Variants in TASP1 observed in about 807,000 individuals in gnomAD.
The protein encoded by TASP1 is taspase 1, also known as threonine aspartase 1.
A neutral mutation model predicts 56.6 loss-of-function variants in TASP1; 16 were observed. That is an observed-to-expected ratio of 0.28 (90% CI 0.19 to 0.43). TASP1 has a LOEUF of 0.43. Among genes scored for constraint, TASP1 ranks in the 20% least tolerant of loss-of-function variants. The pLI, the probability that TASP1 is intolerant of heterozygous loss-of-function variation, is 1.00. For synonymous variants in TASP1, 179 were observed against 184.2 expected (o/e 0.97, Z 0.23); for missense variants, 393 against 511.6 (o/e 0.77, Z 2.24).
At chr20:13,214,254 T>G in the TASP1 span, among the ~76,000 whole-genome samples, 1 of 152,204 alleles carries the variant, frequency 6.6e-6, no homozygotes, top group Admixed American at 6.5e-5. Flanking sequence ...TTTCTCTGTG[T>G]GATGAACTAC....
rs146223222 is a variant in TASP1 at position 13,462,211 on chromosome 20, A to G, written c.985+21016T>C. Among the ~76,000 whole-genome samples, 19 of 152,304 alleles carry G rather than the reference A, an allele frequency of 1.2e-4. No individual in the cohort carries two copies. The East Asian group carries it at 3.7e-3, about 29-fold the overall frequency. ...CCACATAAGTAGCTTTTAAAGAGAG[A>G]AATGAATCACTCAAGATTTTAAAAG... On this transcript the variant is annotated intron_variant, in intron 11 of 13. Coordinates refer to ENST00000337743, the MANE Select transcript of TASP1 (RefSeq NM_017714.3).
intron 4 of TASP1, among the ~76,000 whole-genome samples, chr20:13,611,446 T>A (rs1016154770): frequency 6.6e-6 from 1 of 152,244 alleles, no homozygotes; most frequent in African/African-American, 2.4e-5. Flanking sequence ...TGAGGAATTT[T>A]TTTGAAAAGT....
intron 12 of TASP1, among the ~76,000 whole-genome samples, chr20:13,431,786 T>C (rs866874101): frequency 6.6e-5 from 10 of 152,280 alleles, no homozygotes; most frequent in Admixed American, 1.3e-4. Context: ...AATATCTTCA[T>C]AGATTAATGG....
the TASP1 span, among the ~76,000 whole-genome samples, chr20:13,208,022 T>C: frequency 6.6e-6 from 1 of 152,212 alleles, no homozygotes; most frequent in Non-Finnish European, 1.5e-5. Flanking sequence ...TATACCCTAT[T>C]TATATAGTTT....
intron 6 of TASP1, among the ~76,000 whole-genome samples, chr20:13,571,383 G>A (rs1305193102): frequency 6.6e-6 from 1 of 152,184 alleles, no homozygotes; most frequent in Non-Finnish European, 1.5e-5. Context: ...ATTGAATGCA[G>A]CACCGATTCA....
chr20:13,172,694 T>A, the TASP1 span, among the ~76,000 whole-genome samples: 8 of 152,258 alleles, frequency 5.3e-5, no homozygotes, highest in South Asian at 2.1e-4. Flanking sequence ...TCCAGAAAAG[T>A]CTGTCTAATA....
chr20:13,576,330 A>AAAGG (rs2147179674), intron 6 of TASP1, among the ~76,000 whole-genome samples: 1 of 137,060 alleles, frequency 7.3e-6, no homozygotes, highest in Non-Finnish European at 1.6e-5. Flanking sequence ...AAGAAAAGAG[A>AAAGG]AAGAAAGAAA....
At chr20:13,561,360 A>C (rs2046337309) in intron 7 of TASP1, among the ~76,000 whole-genome samples, 1 of 151,886 alleles carries the variant, frequency 6.6e-6, no homozygotes, top group Non-Finnish European at 1.5e-5. Context: ...TTTCCACGTG[A>C]TTTTATTTTA....
intron 8 of TASP1, among the ~76,000 whole-genome samples, chr20:13,542,092 T>C (rs2045645798): frequency 6.6e-6 from 1 of 151,634 alleles, no homozygotes; most frequent in Non-Finnish European, 1.5e-5. Context: ...TTATTGAATG[T>C]CATCAGATTG....
At chr20:13,158,605 A>G in the TASP1 span, among the ~76,000 whole-genome samples, 1 of 152,160 alleles carries the variant, frequency 6.6e-6, no homozygotes, top group South Asian at 2.1e-4. Flanking sequence ...GCAGCCTTCC[A>G]TAGGGTGATC....
At chr20:13,522,434 CAG>C (rs1167115114) in intron 10 of TASP1, among the ~76,000 whole-genome samples, 1 of 151,976 alleles carries the variant, frequency 6.6e-6, no homozygotes, top group Non-Finnish European at 1.5e-5. Context: ...TAAATATATT[CAG>C]AGAGGAGAGT....
the TASP1 span, among the ~76,000 whole-genome samples, chr20:13,213,354 A>G: frequency 2.6e-5 from 4 of 152,214 alleles, no homozygotes; most frequent in Non-Finnish European, 4.4e-5. Flanking sequence ...TTCATTAACA[A>G]CAAATTTATT....
At chr20:13,357,880 T>C in the TASP1 span, among the ~76,000 whole-genome samples, 1,601 of 152,290 alleles carry the variant, frequency 0.011, 26 homozygotes, top group African/African-American at 0.037. Flanking sequence ...AGAATGAATA[T>C]GTCAGGCCTC....
chr20:13,625,943 A>G (rs1334636824), intron 2 of TASP1, among the ~76,000 whole-genome samples: 1 of 152,212 alleles, frequency 6.6e-6, no homozygotes, highest in Admixed American at 6.5e-5. Flanking sequence ...TGGTTTCCCT[A>G]CAAGGATACA....
the TASP1 span, among the ~76,000 whole-genome samples, chr20:13,232,390 G>C: frequency 1.2e-3 from 189 of 152,312 alleles, 1 homozygote; most frequent in African/African-American, 4.4e-3. Flanking sequence ...TTTTATATAA[G>C]TGGAATACAG....
intron 8 of TASP1, among the ~76,000 whole-genome samples, chr20:13,550,168 A>C (rs1164297640): frequency 6.6e-6 from 1 of 151,478 alleles, no homozygotes; most frequent in African/African-American, 2.4e-5. Flanking sequence ...ACACACACAC[A>C]CACACACACA....
the TASP1 span, among the ~76,000 whole-genome samples, chr20:13,352,162 C>T: frequency 1.3e-5 from 2 of 152,116 alleles, no homozygotes; most frequent in Non-Finnish European, 2.9e-5. Flanking sequence ...AATGCACTAA[C>T]TTTTAGGCCG....
chr20:13,435,363 C>A (rs1036872324), intron 11 of TASP1, among the ~76,000 whole-genome samples: 1 of 152,076 alleles, frequency 6.6e-6, no homozygotes, highest in African/African-American at 2.4e-5. Flanking sequence ...ATGCCACATG[C>A]TGTCAAGAAG....
At chr20:13,370,603 T>C in the TASP1 span, among the ~76,000 whole-genome samples, 1 of 152,300 alleles carries the variant, frequency 6.6e-6, no homozygotes, top group East Asian at 1.9e-4. Flanking sequence ...AGCTAAATTA[T>C]GTTCCCCCAA....
Sources: allele counts gnomAD v4.1 joint callset (sites outside exome capture counted in the v4.1 genomes callset), GRCh38; gene constraint gnomAD v4.1.1; transcripts MANE v1.5; gene names NCBI Gene and HGNC (gene_info 2026-07-23, HGNC 2026-07-21).